Variants in SH3BP5 observed in about 807,000 individuals in gnomAD.
The protein encoded by SH3BP5 is SH3 domain binding protein 5.
Under a neutral mutation model 43.3 loss-of-function variants are expected in SH3BP5, and 22 were observed. The observed-to-expected ratio is 0.51, with a 90% confidence interval of 0.36 to 0.73. The LOEUF (loss-of-function observed/expected upper bound fraction) is 0.73, where lower values mean the gene tolerates loss of function less well. Among genes scored for constraint, SH3BP5 ranks in the 30% least tolerant of loss-of-function variants. The probability of loss-of-function intolerance (pLI) is 0.00; values close to 1 mark genes in which losing one functional copy is unlikely to be tolerated. For synonymous variants in SH3BP5, 255 were observed against 225.8 expected, an observed-to-expected ratio of 1.13 and a Z score of -1.16; for missense variants, 529 against 586.9, an observed-to-expected ratio of 0.90 and a Z score of 1.02.
chr3:15,260,225 A>C, intron 5 of SH3BP5: 2 of 208,494 alleles, frequency 9.6e-6, no homozygotes, highest in South Asian at 1.3e-4. Context: ...GGGCTGCTTA[A>C]ACCTCCTCCT....
chr3:15,263,065 TTATC>T (rs1696508663), intron 4 of SH3BP5, among the ~76,000 whole-genome samples: 1 of 152,234 alleles, frequency 6.6e-6, no homozygotes, highest in Non-Finnish European at 1.5e-5. Flanking sequence ...CTTTTCCTAT[TTATC>T]TATTTTGAAA....
chr3:15,287,609 A>G lies in SH3BP5; in HGVS notation c.330+16494T>C, dbSNP rs181464256. 4.2e-3 allele frequency among the ~76,000 whole-genome samples: 633 copies of G among 152,300 alleles called. 3 individuals carry two copies. Among genetic ancestry groups the G allele is most frequent in the Non-Finnish European group, 6.2e-3 (423 of 68,026 alleles). On this transcript the variant is annotated intron_variant, in intron 3 of 8. Coordinates refer to ENST00000383791, the MANE Select transcript of SH3BP5 (RefSeq NM_004844.5). ...GGTGAATCAATGAATTTTTGGTTTA[A>G]TTTTAATTAATTTACATTTAAGCAG...
At chr3:15,339,478 G>A (rs1245830870) in intron 1 of SH3BP5, among the ~76,000 whole-genome samples, 1 of 152,070 alleles carries the variant, frequency 6.6e-6, no homozygotes, top group Non-Finnish European at 1.5e-5. Flanking sequence ...TTGGGAGGCT[G>A]AGGCAGGTGG....
intron 4 of SH3BP5, chr3:15,264,615 G>C (rs1161928549): frequency 6.6e-6 from 1 of 152,142 alleles, no homozygotes; most frequent in East Asian, 1.9e-4. Context: ...AAAAATAGGA[G>C]AGAACTGAGC....
chr3:15,260,085 C>T (rs1559424530), intron 5 of SH3BP5: 1 of 477,202 alleles, frequency 2.1e-6, no homozygotes, highest in South Asian at 2.2e-5. Flanking sequence ...TGCAACTTAG[C>T]TCATGTTCCT....
At position 15,258,964 on chromosome 3, in the gene SH3BP5, C is replaced by A; in HGVS notation, c.756G>T (p.Met252Ile). 6.2e-7 allele frequency: 1 copy of A among 1,614,196 alleles called. No homozygotes were observed. ...GCCGCTCGTGGATCTCATCTGAGATCATCTCCAGGTTCTTCAGGGCCATCT... is the reference window on the plus strand; with the variant it reads ...GCCGCTCGTGGATCTCATCTGAGATAATCTCCAGGTTCTTCAGGGCCATCT... ...EYKMALKNLE[M>I]ISDEIHERRR... is the part of the protein sequence containing the mutation. The change falls in exon 7 of 9, where the codon ATG becomes ATT. Residue 252 changes from methionine to isoleucine, a missense_variant. Met to Ile is a conservative substitution (Grantham distance 10, BLOSUM62 1). Coordinates refer to ENST00000383791, the MANE Select transcript of SH3BP5 (RefSeq NM_004844.5).
At chr3:15,286,345 T>C (rs1697265465) in intron 3 of SH3BP5, among the ~76,000 whole-genome samples, 1 of 152,180 alleles carries the variant, frequency 6.6e-6, no homozygotes, top group African/African-American at 2.4e-5. Flanking sequence ...GCAGATCTCA[T>C]TTCCACCTGG....
chr3:15,269,682 C>G (rs367913739), intron 4 of SH3BP5, 31 bp downstream of exon 4: 2 of 1,531,002 alleles, frequency 1.3e-6, no homozygotes. Flanking sequence ...CACGCGCACA[C>G]CCCCACAGCA....
chr3:15,289,144 G>A (rs908114837), intron 3 of SH3BP5, among the ~76,000 whole-genome samples: 3 of 152,182 alleles, frequency 2.0e-5, no homozygotes, highest in Non-Finnish European at 4.4e-5. Context: ...CTTTCTAGAA[G>A]ATAAACTATA....
At chr3:15,298,966 C>T (rs1248402755) in intron 3 of SH3BP5, among the ~76,000 whole-genome samples, 2 of 148,008 alleles carry the variant, frequency 1.4e-5, no homozygotes. Context: ...GGGGGAGAGG[C>T]AAAAAAGAAA....
At chr3:15,300,016 C>T (rs183315333) in intron 3 of SH3BP5, among the ~76,000 whole-genome samples, 1 of 152,116 alleles carries the variant, frequency 6.6e-6, no homozygotes, top group Non-Finnish European at 1.5e-5. Context: ...CCATCACCCC[C>T]CCAAATACTT....
chr3:15,310,011 A>G (rs1242091074), intron 2 of SH3BP5, among the ~76,000 whole-genome samples: 1 of 151,644 alleles, frequency 6.6e-6, no homozygotes, highest in Middle Eastern at 3.2e-3. Flanking sequence ...AGAGGCCACA[A>G]ACCAAAATCT....
At chr3:15,260,738 G>A (rs1049219547) in intron 5 of SH3BP5, among the ~76,000 whole-genome samples, 4 of 152,184 alleles carry the variant, frequency 2.6e-5, no homozygotes, top group Non-Finnish European at 4.4e-5. Context: ...ATCCATGCAA[G>A]GGAGTGTGGC....
chr3:15,308,511 C>A (rs557546891), intron 2 of SH3BP5, among the ~76,000 whole-genome samples: 2 of 152,250 alleles, frequency 1.3e-5, no homozygotes, highest in East Asian at 3.9e-4. Context: ...GGCCACCCAA[C>A]CCAAGTCAGA....
At chr3:15,258,221 G>A (rs544093802) in intron 7 of SH3BP5, 1 of 152,288 alleles carries the variant, frequency 6.6e-6, no homozygotes, top group South Asian at 2.1e-4. Context: ...GACAGCGTTG[G>A]GTGGGTTTTC....
chr3:15,262,184 G>A lies in SH3BP5; in HGVS notation c.601C>T (p.Leu201Phe). 5 of 1,614,110 alleles carry A rather than the reference G, an allele frequency of 3.1e-6. No homozygotes were observed. Among genetic ancestry groups the A allele is most frequent in the Non-Finnish European group, 1.7e-6 (2 of 1,180,014 alleles). Residue 201 changes from leucine (L) to phenylalanine (F), a missense_variant, in exon 5 of 9, where the codon CTC becomes TTC. Physicochemically the swap from Leu to Phe is conservative, Grantham distance 22. Around this residue, in one of 3 missense-constraint regions of SH3BP5, gnomAD observed 369 missense variants for 384.3 expected, o/e 0.96. Coordinates refer to ENST00000383791, the MANE Select transcript of SH3BP5 (RefSeq NM_004844.5). ...TTGGACTTGTTGATGGCTCTCTTGA[G>A]TTTCTTCTCCAGCTGTCGCATGCGG... Reference protein sequence around the residue: ...MGRMRQLEKKLKRAINKSKPY... With the variant: ...MGRMRQLEKKFKRAINKSKPY...
At position 15,296,524 on chromosome 3, in the gene SH3BP5, G is replaced by C. The variant is rs368388231; in HGVS notation, c.330+7579C>G. 8.5e-5 allele frequency among the ~76,000 whole-genome samples: 13 copies of C among 152,114 alleles called. No individual in the cohort carries two copies. In the East Asian group the frequency reaches 1.9e-3, roughly 23 times the overall value. ...CAACAAGTGGCTAGAACAATACCTG[G>C]CATATGGTAGGTGCTCAGTCAATAG... On this transcript the variant is annotated intron_variant, in intron 3 of 8. Coordinates refer to ENST00000383791, the MANE Select transcript of SH3BP5 (RefSeq NM_004844.5).
At chr3:15,259,083 T>C in intron 6 of SH3BP5, 33 bp from the exon 7 acceptor site, 1 of 1,532,878 alleles carries the variant, frequency 6.5e-7, no homozygotes, top group African/African-American at 1.4e-5. Context: ...AAGTGAAGAC[T>C]ACCCTGCTAG....
At chr3:15,328,919 T>C (rs1340766371) in intron 2 of SH3BP5, among the ~76,000 whole-genome samples, 1 of 152,172 alleles carries the variant, frequency 6.6e-6, no homozygotes, top group African/African-American at 2.4e-5. Context: ...CTGTTTAATA[T>C]AGTGGCAACT....
Sources: allele counts gnomAD v4.1 joint callset (sites outside exome capture counted in the v4.1 genomes callset), GRCh38; gene constraint gnomAD v4.1.1; regional missense constraint gnomAD v4.1.1; transcripts MANE v1.5; gene names NCBI Gene and HGNC (gene_info 2026-07-23, HGNC 2026-07-21).